CFAP47: variants seen among roughly 807,000 people sequenced by gnomAD.
CFAP47 encodes the protein cilia and flagella associated protein 47.
In CFAP47, 29 loss-of-function variants were observed where a neutral mutation model predicts 148.1. The observed-to-expected ratio is 0.20, with a 90% CI of 0.15 to 0.27. The LOEUF (loss-of-function observed/expected upper bound fraction) is 0.27. Ranked by LOEUF, CFAP47 falls within the 10% of genes least tolerant of loss-of-function variation. The probability of loss-of-function intolerance (pLI) is 1.00; values close to 1 mark genes in which losing one functional copy is unlikely to be tolerated. For missense variants in CFAP47, 1,872 were observed against 1,697.5 expected, an observed-to-expected ratio of 1.10 and a Z score of -1.81; for synonymous variants, 664 against 577.3, an observed-to-expected ratio of 1.15 and a Z score of -2.15.
At chrX:36,056,107 T>A (rs1415380366) in intron 26 of CFAP47, among the ~76,000 whole-genome samples, 1 of 111,933 alleles carries the variant, frequency 8.9e-6, no homozygotes. Flanking sequence ...ATTCTGTAGG[T>A]TGTCTGCTCA....
chrX:36,197,472 G>A (rs1555987394), intron 42 of CFAP47, among the ~76,000 whole-genome samples: 1 of 111,951 alleles, frequency 8.9e-6, no homozygotes, highest in South Asian at 3.6e-4. Context: ...GAATTTTTAG[G>A]TAATTAGTTA....
intron 57 of CFAP47, among the ~76,000 whole-genome samples, chrX:36,332,158 C>A (rs1240783783): frequency 3.6e-5 from 4 of 111,386 alleles, no homozygotes; most frequent in East Asian, 5.6e-4. Flanking sequence ...TTACTTCCAA[C>A]CTTTATTTAA....
intron 24 of CFAP47, 24 bp from the exon 25 acceptor site, chrX:36,038,960 C>A: frequency 3.8e-6 from 3 of 790,269 alleles, no homozygotes; most frequent in Admixed American, 5.0e-5. Flanking sequence ...ATTTAAAATA[C>A]CCTTAAAATT....
rs537476875 is a variant in CFAP47, at chrX:35,927,111, C to T, written c.401+943C>T. On this transcript the variant is annotated intron_variant, in intron 2 of 63. Transcript: ENST00000378653. ...TAGAGGCTACAGCGAGCCGAGATCACGCCACTGCACTCCAGCCTGGATGAC... is the reference window on the plus strand; with the variant it reads ...TAGAGGCTACAGCGAGCCGAGATCATGCCACTGCACTCCAGCCTGGATGAC... Among the ~76,000 whole-genome samples, 4 of 108,083 alleles carry T rather than the reference C, an allele frequency of 3.7e-5. No homozygotes were observed. In the South Asian group the frequency reaches 1.7e-3, roughly 45 times the overall value. The allele number at this position is 108,083 out of a possible 115,157, so 93.9% of individuals were successfully genotyped here.
At chrX:36,350,694 T>G (rs1219666731) in intron 59 of CFAP47, among the ~76,000 whole-genome samples, 1 of 100,206 alleles carries the variant, frequency 1.0e-5, no homozygotes, top group Non-Finnish European at 1.9e-5. Flanking sequence ...ATTTATTTAT[T>G]TTTTTTTTTG....
chrX:36,306,479 T>C (rs1899583562), intron 54 of CFAP47, among the ~76,000 whole-genome samples: 2 of 111,451 alleles, frequency 1.8e-5, no homozygotes, highest in Admixed American at 9.6e-5. Context: ...TGTCTTTTAT[T>C]GAAGGTTCGA....
chrX:35,971,098 A>AACTC (rs1301550578), intron 11 of CFAP47, among the ~76,000 whole-genome samples, 175 bp downstream of exon 11: 103 of 112,071 alleles, frequency 9.2e-4, no homozygotes, highest in African/African-American at 3.3e-3. Context: ...GTTACCTTTT[A>AACTC]ACTCGGAATT....
At chrX:36,078,744 A>G (rs1429964143) in intron 29 of CFAP47, among the ~76,000 whole-genome samples, 1 of 111,088 alleles carries the variant, frequency 9.0e-6, no homozygotes, top group Non-Finnish European at 1.9e-5. Context: ...TGATCCTGTC[A>G]TTATGATGTT....
chrX:35,938,486 T>G (rs895677080), intron 2 of CFAP47, among the ~76,000 whole-genome samples: 1 of 111,383 alleles, frequency 9.0e-6, no homozygotes, highest in African/African-American at 3.3e-5. Context: ...TATATCAAAC[T>G]AAGTTTGACG....
intron 21 of CFAP47, among the ~76,000 whole-genome samples, chrX:36,013,363 T>C (rs1440994875): frequency 1.8e-5 from 2 of 112,182 alleles, no homozygotes; most frequent in African/African-American, 6.5e-5. Context: ...GGGTTTTGAA[T>C]CCAGATGTAT....
At position 36,098,891 on chromosome X, in the gene CFAP47, T is replaced by C; in HGVS notation, c.4998+17T>C. Reference sequence around the variant, plus strand: ...GAAATTATGGTAAGAAAATATAATTTCTTGGAACAAACCACACAGTTATTA... The same window carrying C: ...GAAATTATGGTAAGAAAATATAATTCCTTGGAACAAACCACACAGTTATTA... On this transcript the variant is annotated intron_variant, in intron 31 of 63. Transcript: ENST00000378653. 1.0e-6 allele frequency: 1 copy of C among 962,403 alleles called. No homozygotes were observed. The highest frequency in any genetic ancestry group is 1.5e-6 in the Non-Finnish European group (1 of 681,418). 79.3% of individuals were successfully genotyped at this position (962,403 alleles called of 1,213,427 possible). A position where few individuals can be genotyped will look rare whatever the true frequency, so the allele number is the denominator to read the frequency against.
At chrX:36,374,090 A>G (rs1437137383) in intron 62 of CFAP47, among the ~76,000 whole-genome samples, 3 of 110,637 alleles carry the variant, frequency 2.7e-5, no homozygotes, top group Non-Finnish European at 5.7e-5. Context: ...ATGAGATTTT[A>G]TCTTTTGGAA....
chrX:36,091,750 T>A (rs1720637882), intron 30 of CFAP47, among the ~76,000 whole-genome samples: 1 of 111,520 alleles, frequency 9.0e-6, no homozygotes, highest in Admixed American at 9.6e-5. Context: ...AAGAGTTTCC[T>A]TCCTCACTTC....
At chrX:35,927,997 T>TTATATATATATATATATGTATA (rs778356572) in intron 2 of CFAP47, among the ~76,000 whole-genome samples, 1 of 102,969 alleles carries the variant, frequency 9.7e-6, no homozygotes, top group Admixed American at 1.1e-4. Context: ...GTATTCTATT[T>TTATATATATATATATATGTATA]TATATATATA....
rs1179703652 is a variant in CFAP47 at position 36,385,232 on chromosome X, T to C, written c.*226T>C. 3.1e-6 allele frequency: 1 copy of C among 320,718 alleles called. No homozygotes were observed. Among genetic ancestry groups the C allele is most frequent in the African/African-American group, 2.7e-5 (1 of 37,207 alleles). The allele number at this position is 320,718 out of a possible 1,213,427, so 26.4% of individuals were successfully genotyped here. A position where few individuals can be genotyped will look rare whatever the true frequency, so the allele number is the denominator to read the frequency against. ...TTGGTTCACTTTTAAAGTGCAGGTG[T>C]ATATTTGTGGTAAAACGAAATATAA... On this transcript the variant is annotated 3_prime_UTR_variant, in exon 64 of 64. Transcript: ENST00000378653.
chrX:36,371,621 A>ATATATGTGTGT (rs1491164239), intron 62 of CFAP47, among the ~76,000 whole-genome samples: 17 of 79,648 alleles, frequency 2.1e-4, no homozygotes, highest in African/African-American at 7.1e-4. Flanking sequence ...ATATATGTGT[A>ATATATGTGTGT]ATATATGTGT....
intron 32 of CFAP47, among the ~76,000 whole-genome samples, chrX:36,102,654 A>G (rs750020574): frequency 8.3e-4 from 93 of 111,641 alleles, no homozygotes; most frequent in African/African-American, 3.0e-3. Context: ...GAAGTGACAG[A>G]TGACAGATGA....
intron 51 of CFAP47, 110 bp from the exon 52 acceptor site, chrX:36,298,867 A>C: frequency 2.3e-6 from 1 of 444,055 alleles, no homozygotes; most frequent in East Asian, 3.9e-5. Context: ...GTAAAAAAAT[A>C]AAACAAATGG....
At chrX:35,954,449 A>G (rs1936214562) in intron 7 of CFAP47, among the ~76,000 whole-genome samples, 1 of 111,362 alleles carries the variant, frequency 9.0e-6, no homozygotes, top group South Asian at 3.8e-4. Context: ...ATTTAACTGT[A>G]TTCCTTGGGC....
Sources: allele counts gnomAD v4.1 joint callset (sites outside exome capture counted in the v4.1 genomes callset), GRCh38; gene constraint gnomAD v4.1.1; transcripts MANE v1.5; gene names NCBI Gene and HGNC (gene_info 2026-07-23, HGNC 2026-07-21).